Variants in AGBL1 observed in about 807,000 individuals in gnomAD.
The protein encoded by AGBL1 is cytosolic carboxypeptidase 4.
AGBL1 carries 130 observed loss-of-function variants against 118.9 expected under a neutral mutation model. The observed-to-expected ratio is 1.09, with a 90% CI of 0.95 to 1.26. AGBL1 has a LOEUF of 1.26. Ranked by LOEUF, AGBL1 falls within the 50% of genes most tolerant of loss-of-function variation. The pLI is 0.00. For missense variants in AGBL1, 1,584 were observed against 1,298.1 expected (o/e 1.22, Z -3.38); for synonymous variants, 555 against 478.9 (o/e 1.16, Z -2.08).
intron 17 of AGBL1, among the ~76,000 whole-genome samples, chr15:86,311,812 C>G (rs751400876): frequency 1.3e-5 from 2 of 152,180 alleles, no homozygotes; most frequent in East Asian, 1.9e-4. Flanking sequence ...GCTTGAGGTA[C>G]CTTCAGCTGC....
At chr15:86,511,320 G>T (rs2083050072) in intron 18 of AGBL1, among the ~76,000 whole-genome samples, 1 of 151,886 alleles carries the variant, frequency 6.6e-6, no homozygotes, top group African/African-American at 2.4e-5. Flanking sequence ...AACAAAATTG[G>T]ACTCCAGAGT....
intron 21 of AGBL1, among the ~76,000 whole-genome samples, chr15:86,633,774 TTA>T (rs1178219964): frequency 2.1e-5 from 3 of 145,674 alleles, no homozygotes; most frequent in African/African-American, 7.6e-5. Flanking sequence ...ATACAATATT[TTA>T]TGTGTGTGTA....
At chr15:86,494,077 G>T (rs1211035914) in intron 18 of AGBL1, among the ~76,000 whole-genome samples, 1 of 151,998 alleles carries the variant, frequency 6.6e-6, no homozygotes, top group Non-Finnish European at 1.5e-5. Flanking sequence ...CTCAGTCCTT[G>T]TGACGTTGGA....
At chr15:86,940,060 CTTTTTTTTTTTTTTTTTTTT>C (rs5814267) in intron 23 of AGBL1, among the ~76,000 whole-genome samples, 1 of 59,418 alleles carries the variant, frequency 1.7e-5, no homozygotes, top group East Asian at 6.7e-4. Context: ...TTTGGTAGTC[CTTTTTTTTTTTTTTTTTTTT>C]TTTTTTTTGG....
At chr15:86,921,799 C>T (rs2080484420) in intron 23 of AGBL1, among the ~76,000 whole-genome samples, 1 of 152,174 alleles carries the variant, frequency 6.6e-6, no homozygotes, top group South Asian at 2.1e-4. Context: ...CCATCTTGTA[C>T]TCAGAGTCTT....
chr15:86,298,669 G>A (rs796992112), intron 17 of AGBL1, among the ~76,000 whole-genome samples: 5 of 152,230 alleles, frequency 3.3e-5, no homozygotes, highest in African/African-American at 1.2e-4. Flanking sequence ...GGTAGCTTCA[G>A]TGTGGGATTG....
At position 86,907,125 on chromosome 15, in the gene AGBL1, A is replaced by G; in HGVS notation, c.3197A>G (p.Glu1066Gly). 6.6e-6 allele frequency: 1 copy of G among 152,380 alleles called. No individual in the cohort carries two copies. Among genetic ancestry groups the G allele is most frequent in the Non-Finnish European group, 1.5e-5 (1 of 68,164 alleles). 9.4% of individuals were successfully genotyped at this position (152,380 alleles called of 1,614,324 possible). ...SSSGSVPSEL[E>G]DEPACLEEID... Reference sequence around the variant, plus strand: ...AGTGGCAGCGTCCCTTCGGAACTGGAGGATGAACCTGCCTGCTTGGAGGAG... The same window carrying G: ...AGTGGCAGCGTCCCTTCGGAACTGGGGGATGAACCTGCCTGCTTGGAGGAG... Residue 1066 changes from glutamate to glycine, a missense_variant, in exon 23 of 23, where the codon GAG (glutamate) becomes GGG (glycine). Transcript: ENST00000614907.
At chr15:86,353,940 C>A (rs1015436160) in intron 17 of AGBL1, among the ~76,000 whole-genome samples, 1 of 152,140 alleles carries the variant, frequency 6.6e-6, no homozygotes, top group Non-Finnish European at 1.5e-5. Context: ...AAAGTAGGTG[C>A]TTTTTTCTTT....
rs140381369 is a variant in AGBL1, at chr15:86,305,101, C to T, written c.2374+9693C>T. On this transcript the variant is annotated intron_variant, in intron 17 of 22. Transcript: ENST00000614907. ...TCCTTGCACCTAAGGCAGAAAAACA[C>T]AACCGATTTGTCTTCCATTGTTATT... 2.0e-5 allele frequency: 3 copies of T among 152,270 alleles called. No individual in the cohort carries two copies. In the East Asian group the frequency reaches 5.8e-4, roughly 29 times the overall value. The allele number at this position is 152,270 out of a possible 1,614,324, so 9.4% of individuals were successfully genotyped here. A position where few individuals can be genotyped will look rare whatever the true frequency, so the allele number is the denominator to read the frequency against.
intron 22 of AGBL1, among the ~76,000 whole-genome samples, chr15:86,754,175 T>G (rs1412526914): frequency 6.6e-6 from 1 of 152,104 alleles, no homozygotes; most frequent in Non-Finnish European, 1.5e-5. Context: ...ATTTTAAAAT[T>G]ATCAACAAAT....
chr15:86,682,615 C>T (rs980778971), intron 22 of AGBL1, among the ~76,000 whole-genome samples: 5 of 151,978 alleles, frequency 3.3e-5, no homozygotes, highest in African/African-American at 1.2e-4. Context: ...ATAAACATAA[C>T]AGAAAAGAAT....
chr15:86,283,167 A>C (rs1232261649), intron 16 of AGBL1, among the ~76,000 whole-genome samples: 1 of 152,196 alleles, frequency 6.6e-6, no homozygotes, highest in African/African-American at 2.4e-5. Flanking sequence ...AATTGTAATG[A>C]TTGTTAAAGT....
chr15:86,730,450 A>G (rs963573983), intron 22 of AGBL1, among the ~76,000 whole-genome samples: 1 of 152,256 alleles, frequency 6.6e-6, no homozygotes, highest in Non-Finnish European at 1.5e-5. Flanking sequence ...AAAGGACATG[A>G]CATATTTACT....
At chr15:86,860,713 A>AGT (rs3030214) in intron 22 of AGBL1, among the ~76,000 whole-genome samples, 9,137 of 148,752 alleles carry the variant, frequency 0.061, 284 homozygotes, top group East Asian at 0.16. Context: ...TCTGTGAGTA[A>AGT]GTGTGTGTGT....
In AGBL1 at chr15:86,642,875, T is replaced by C. The variant is rs531662309; in HGVS notation, c.2995-31398T>C. Among the ~76,000 whole-genome samples, 5 of 152,318 alleles carry C rather than the reference T, an allele frequency of 3.3e-5. No individual in the cohort carries two copies. The East Asian group carries it at 5.8e-4, about 18-fold the overall frequency. ...GGAGGACTATTTTATTTTATTTTAATATTACACATACTAGAAAAACTAACT... is the reference window on the plus strand; with the variant it reads ...GGAGGACTATTTTATTTTATTTTAACATTACACATACTAGAAAAACTAACT... On this transcript the variant is annotated intron_variant, in intron 21 of 22. Transcript: ENST00000614907.
chr15:86,871,238 C>T (rs17702916), intron 22 of AGBL1, among the ~76,000 whole-genome samples: 1 of 152,040 alleles, frequency 6.6e-6, no homozygotes, highest in Non-Finnish European at 1.5e-5. Flanking sequence ...CTAGAGACAT[C>T]CATCTGTCAG....
chr15:86,723,548 T>A (rs1332211351), intron 22 of AGBL1, among the ~76,000 whole-genome samples: 2 of 152,056 alleles, frequency 1.3e-5, no homozygotes, highest in Non-Finnish European at 2.9e-5. Context: ...GAGATATACC[T>A]AATATTAAAT....
At chr15:86,649,221 A>T (rs1043158356) in intron 21 of AGBL1, among the ~76,000 whole-genome samples, 4 of 152,222 alleles carry the variant, frequency 2.6e-5, no homozygotes, top group Non-Finnish European at 5.9e-5. Flanking sequence ...AAGGCAGAGT[A>T]TATGGAAATA....
intron 15 of AGBL1, among the ~76,000 whole-genome samples, chr15:86,277,302 GCA>G (rs759358127): frequency 0.035 from 4,357 of 126,020 alleles, 70 homozygotes; most frequent in Middle Eastern, 0.058. Context: ...GTGTGTGTGT[GCA>G]TGTGTGTGTG....
Sources: allele counts gnomAD v4.1 joint callset (sites outside exome capture counted in the v4.1 genomes callset), GRCh38; gene constraint gnomAD v4.1.1; transcripts MANE v1.5; gene names NCBI Gene and HGNC (gene_info 2026-07-23, HGNC 2026-07-21).